IDI1: variants seen among roughly 807,000 people sequenced by gnomAD.
IDI1 encodes isopentenyl-diphosphate Delta-isomerase 1.
A neutral mutation model predicts 32.9 loss-of-function variants in IDI1; 23 were observed. That is an observed-to-expected ratio of 0.70 (90% CI 0.50 to 0.99). The LOEUF (loss-of-function observed/expected upper bound fraction) is 0.99, where lower values mean the gene tolerates loss of function less well. Among genes scored for constraint, IDI1 ranks in the 50% least tolerant of loss-of-function variants. IDI1 has a pLI of 0.00. For missense variants in IDI1, 326 were observed against 351.9 expected, an observed-to-expected ratio of 0.93 and a Z score of 0.59; for synonymous variants, 133 against 128.2, an observed-to-expected ratio of 1.04 and a Z score of -0.25.
chr10:1,043,741 T>TAGAA, intron 2 of IDI1: 1 of 660,792 alleles, frequency 1.5e-6, no homozygotes, highest in Non-Finnish European at 2.8e-6. Flanking sequence ...GCTGCTGCTG[T>TAGAA]ATGTCAGGGC....
chr10:1,056,474 C>A, the IDI1 span: 1 of 152,114 alleles, frequency 6.6e-6, no homozygotes, highest in Non-Finnish European at 1.5e-5. Flanking sequence ...GGCCCCGGGT[C>A]TCAGGCCTCA....
At chr10:1,048,151 G>T in intron 1 of IDI1, 1 of 1,012,006 alleles carries the variant, frequency 9.9e-7, no homozygotes, top group Non-Finnish European at 1.4e-6. Flanking sequence ...GTGCACCACC[G>T]CCCAGCTGTA....
At chr10:1,048,792 C>T in intron 1 of IDI1, 72 bp downstream of exon 1, 2 of 1,555,016 alleles carry the variant, frequency 1.3e-6, no homozygotes, top group South Asian at 1.2e-5. Context: ...GGGCCTCCTC[C>T]CCGCCCCGTC....
In IDI1 at chr10:1,040,642, A is replaced by C. The variant is rs1832537949; in HGVS notation, c.*545T>G. 1.3e-5 allele frequency: 2 copies of C among 152,690 alleles called. 1 individual carries two copies. Among genetic ancestry groups the C allele is most frequent in the South Asian group, 4.1e-4 (2 of 4,872 alleles). The allele number at this position is 152,690 out of a possible 1,614,324, so 9.5% of individuals were successfully genotyped here. ...CACACAATCAACTCAGAATGATACA[A>C]ATTAGGGTCCATATCATTTAATTTC... On this transcript the variant is annotated 3_prime_UTR_variant, in exon 5 of 5. Transcript: ENST00000381344.
chr10:1,051,557 C>T (rs941149380), upstream of IDI1, among the ~76,000 whole-genome samples: 1 of 152,182 alleles, frequency 6.6e-6, no homozygotes, highest in African/African-American at 2.4e-5. Flanking sequence ...AAGTTCTTTT[C>T]CTGGAGACAA....
Position 1,040,286 on chromosome 10 carries a change from G to T in IDI1, c.*901C>A, listed in dbSNP as rs1282917604. On this transcript the variant is annotated 3_prime_UTR_variant, in exon 5 of 5. Transcript: ENST00000381344. ...GGACAGTGGTCCTCAGTTGGGGGTT[G>T]ACTCTGTCCCCTAGGGGCATCTGGC... 1 of 152,162 alleles carries T rather than the reference G, an allele frequency of 6.6e-6. No homozygotes were observed. The highest frequency in any genetic ancestry group is 1.5e-5 in the Non-Finnish European group (1 of 68,052). 9.4% of individuals were successfully genotyped at this position (152,162 alleles called of 1,614,324 possible).
At position 1,048,991 on chromosome 10, in the gene IDI1, G is replaced by C. The variant is rs1322774945; in HGVS notation, c.13C>G (p.Leu5Val). 2 of 1,513,070 alleles carry C rather than the reference G, an allele frequency of 1.3e-6. No individual in the cohort carries two copies. The highest frequency in any genetic ancestry group is 4.4e-5 in the Admixed American group (2 of 45,866). The allele number at this position is 1,513,070 out of a possible 1,614,324, so 93.7% of individuals were successfully genotyped here. A position where few individuals can be genotyped will look rare whatever the true frequency, so the allele number is the denominator to read the frequency against. Residue 5 changes from leucine (L) to valine (V), a missense_variant, in exon 1 of 5, where the codon CTG (leucine) becomes GTG (valine). By Grantham distance (32) the Leu-to-Val change is conservative. Transcript: ENST00000381344. MWRG[L>V]ALARAIGCAA... is the part of the protein sequence containing the mutation. Reference sequence around the variant, plus strand: ...CAGCCAATCGCTCGCGCCAGCGCCAGTCCACGCCACATCGCCCGGCCAATT... The same window carrying C: ...CAGCCAATCGCTCGCGCCAGCGCCACTCCACGCCACATCGCCCGGCCAATT...
chr10:1,056,325 C>T, the IDI1 span: 1 of 152,394 alleles, frequency 6.6e-6, no homozygotes, highest in Non-Finnish European at 1.5e-5. Flanking sequence ...CAGGGAACAG[C>T]TGATTCTGTT....
chr10:1,044,080 A>C lies in IDI1; in HGVS notation c.232T>G (p.Cys78Gly). Residue 78 changes from cysteine (C) to glycine (G), a missense_variant, in exon 2 of 5, where the codon TGT becomes GGT. Transcript: ENST00000381344. The stretch of plus-strand genomic sequence containing the variant: ...TTGTCATTTTCATCAATAAGGATAC[A>C]CATCTCTGCCAGGAGTTGAACCTGT... Reference protein sequence around the residue: ...KQQVQLLAEMCILIDENDNKI... With the variant: ...KQQVQLLAEMGILIDENDNKI... 2 of 1,613,502 alleles carry C rather than the reference A, an allele frequency of 1.2e-6. No individual in the cohort carries two copies. Among genetic ancestry groups the C allele is most frequent in the Non-Finnish European group, 1.7e-6 (2 of 1,179,508 alleles).
chr10:1,048,148 A>G (rs1008929769), intron 1 of IDI1: 2 of 992,236 alleles, frequency 2.0e-6, no homozygotes. Context: ...GGCGTGCACC[A>G]CCGCCCAGCT....
chr10:1,051,055 GTTACAT>G (rs1832998648), upstream of IDI1, among the ~76,000 whole-genome samples: 2 of 152,214 alleles, frequency 1.3e-5, no homozygotes, highest in Admixed American at 1.3e-4. Flanking sequence ...TTTTGTACTT[GTTACAT>G]TAAAACTCAT....
In IDI1 at chr10:1,044,135, A is replaced by C; in HGVS notation, c.177T>G (p.Pro59=). Residue 59 remains proline, a synonymous_variant, in exon 2 of 5, where the codon CCT becomes CCG. Transcript: ENST00000381344. ...LEQIRHFVMM[P]EINTNHLDKQ... The stretch of plus-strand genomic sequence containing the variant: ...TGTCGAGGTGGTTAGTGTTTATTTC[A>C]GGCATCATTACAAAATGTCTGATCT... 1.2e-6 allele frequency: 2 copies of C among 1,613,826 alleles called. No individual in the cohort carries two copies. The highest frequency in any genetic ancestry group is 1.1e-5 in the South Asian group (1 of 91,080).
chr10:1,041,375 T>C lies in IDI1; in HGVS notation c.667A>G (p.Asn223Asp). The change falls in exon 5 of 5, where the codon AAT (asparagine) becomes GAT (aspartate). Residue 223 changes from asparagine (N) to aspartate (D), a missense_variant. Coordinates refer to ENST00000381344, the MANE Select transcript of IDI1 (RefSeq NM_004508.4). ...ACATAACAATAGCTTTTAATCTCATTGGGATCTGGATTCAAAGTTACATTC... is the reference window on the plus strand; with the variant it reads ...ACATAACAATAGCTTTTAATCTCATCGGGATCTGGATTCAAAGTTACATTC... ...RKNVTLNPDP[N>D]EIKSYCYVSK... The C allele has an allele frequency of 1.2e-6, 2 of 1,613,662 alleles. No homozygotes were observed. Among genetic ancestry groups the C allele is most frequent in the Non-Finnish European group, 1.7e-6 (2 of 1,179,670 alleles).
At chr10:1,052,858 TCTC>T (rs991681250), upstream of IDI1, among the ~76,000 whole-genome samples, 12 of 152,144 alleles carry the variant, frequency 7.9e-5, no homozygotes, top group African/African-American at 2.4e-4. Flanking sequence ...GGCTTTGACT[TCTC>T]CTCTCTAGTT....
chr10:1,053,028 T>C (rs1032210413), upstream of IDI1, among the ~76,000 whole-genome samples: 4 of 152,174 alleles, frequency 2.6e-5, no homozygotes, highest in Admixed American at 6.5e-5. Context: ...TTTTTTGAGA[T>C]GGAGTCTCAC....
intron 1 of IDI1, chr10:1,048,266 T>C (rs1832860283): frequency 7.7e-7 from 1 of 1,304,204 alleles, no homozygotes; most frequent in Non-Finnish European, 1.0e-6. Flanking sequence ...AAGAATACCA[T>C]GTAGTAGACG....
At chr10:1,042,829 G>A (rs1172579737) in intron 3 of IDI1, 67 bp from the exon 4 acceptor site, 2 of 1,348,992 alleles carry the variant, frequency 1.5e-6, no homozygotes, top group African/African-American at 1.4e-5. Flanking sequence ...TCAAGAAAAA[G>A]TTTTATAAGT....
chr10:1,043,959 C>A (rs1832710344), intron 2 of IDI1, 40 bp downstream of exon 2: 1 of 1,572,074 alleles, frequency 6.4e-7, no homozygotes, highest in Admixed American at 1.7e-5. Flanking sequence ...GAAATGCCTA[C>A]ACAAATCGCT....
chr10:1,045,015 A>G (rs1832759487), intron 1 of IDI1, among the ~76,000 whole-genome samples: 1 of 152,248 alleles, frequency 6.6e-6, no homozygotes, highest in African/African-American at 2.4e-5. Flanking sequence ...TTTAATTTTC[A>G]TGTGTCACAA....
Sources: gnomAD v4.1 joint callset for allele counts (sites outside exome capture counted in the v4.1 genomes callset) on GRCh38, gnomAD v4.1.1 for gene constraint, MANE v1.5 for transcripts, NCBI Gene and HGNC (gene_info 2026-07-23, HGNC 2026-07-21) for gene names.